Variants in DYNC2I1 observed in about 807,000 individuals in gnomAD.
DYNC2I1 encodes dynein 2 intermediate chain 1.
DYNC2I1 carries 89 observed loss-of-function variants against 133.4 expected under a neutral mutation model. The ratio of observed to expected loss-of-function variants is 0.67; its 90% CI spans 0.56 to 0.80. The LOEUF is 0.80. DYNC2I1 is among the 30% of genes least tolerant of loss of function. The probability of loss-of-function intolerance (pLI) is 0.00; values close to 1 mark genes in which losing one functional copy is unlikely to be tolerated. For synonymous variants in DYNC2I1, 504 were observed against 484.3 expected, an observed-to-expected ratio of 1.04 and a Z score of -0.54; for missense variants, 1,291 against 1,314.5, an observed-to-expected ratio of 0.98 and a Z score of 0.28.
chr7:158,911,696 T>A lies in DYNC2I1; in HGVS notation c.1590+17T>A. ...ACCAAGCAGGTAAGTATGAGATGTG[T>A]TAACTAAGTGATAAAATGCAAGTAA... is the stretch of plus-strand genomic sequence containing the variant. On this transcript the variant is annotated intron_variant, in intron 12 of 24. Transcript: ENST00000407559. 1 of 1,593,068 alleles carries A rather than the reference T, an allele frequency of 6.3e-7. No homozygotes were observed. Among genetic ancestry groups the A allele is most frequent in the Non-Finnish European group, 8.5e-7 (1 of 1,172,226 alleles).
At position 158,856,583 on chromosome 7, in the gene DYNC2I1, C is replaced by A. The variant is rs1194517734; in HGVS notation, c.-153C>A. ...GGGAGAGGCCGCAGGGCACGCTGGG[C>A]AGTGCTTCTGGGCCCTCTGCTGCTC... On this transcript the variant is annotated 5_prime_UTR_variant, in exon 1 of 25. Coordinates refer to ENST00000407559, the MANE Select transcript of DYNC2I1 (RefSeq NM_018051.5). 2.7e-6 allele frequency: 2 copies of A among 735,614 alleles called. No individual in the cohort carries two copies. Among genetic ancestry groups the A allele is most frequent in the African/African-American group, 3.7e-5 (2 of 54,594 alleles). 45.6% of individuals were successfully genotyped at this position (735,614 alleles called of 1,614,324 possible). A position where few individuals can be genotyped will look rare whatever the true frequency, so the allele number is the denominator to read the frequency against.
At chr7:158,903,313 T>G (rs759159437) in intron 10 of DYNC2I1, 2 of 148,038 alleles carry the variant, frequency 1.4e-5, no homozygotes, top group Non-Finnish European at 3.0e-5. Flanking sequence ...GAGTAGGAAT[T>G]AATGTTTCAA....
At chr7:158,884,519 CGA>C (rs758380162) in intron 5 of DYNC2I1, 43 bp from the exon 6 acceptor site, 2 of 1,570,476 alleles carry the variant, frequency 1.3e-6, no homozygotes, top group Admixed American at 3.7e-5. Context: ...TACTTCATTC[CGA>C]TATGCTAATA....
chr7:158,844,443 G>C, the DYNC2I1 span, among the ~76,000 whole-genome samples: 2 of 152,016 alleles, frequency 1.3e-5, no homozygotes, highest in African/African-American at 4.8e-5. Flanking sequence ...GGGGGAGAGC[G>C]CGTGGGAATT....
chr7:158,872,074 G>T (rs1039110746), intron 3 of DYNC2I1, among the ~76,000 whole-genome samples: 19 of 152,204 alleles, frequency 1.2e-4, no homozygotes, highest in African/African-American at 4.3e-4. Flanking sequence ...CCAGCACTTT[G>T]GGAGGCTGAG....
rs41271220 is a variant in DYNC2I1, at chr7:158,918,748, C to G, written c.1800C>G (p.Ala600=). 2 of 1,613,408 alleles carry G rather than the reference C, an allele frequency of 1.2e-6. No homozygotes were observed. The highest frequency in any genetic ancestry group is 1.7e-5 in the Admixed American group (1 of 59,984). Residue 600 remains alanine, a synonymous_variant, in exon 15 of 25, where the codon GCC becomes GCG. Transcript: ENST00000407559. ...SFLRAACQVM[A]VLLEEDRLAA... Reference sequence around the variant, plus strand: ...TCACTTATGTCTGACAGGTGATGGCCGTTTTGCTGGAAGAGGATCGCTTGG... The same window carrying G: ...TCACTTATGTCTGACAGGTGATGGCGGTTTTGCTGGAAGAGGATCGCTTGG...
At chr7:158,915,838 A>G (rs62476482) in intron 14 of DYNC2I1, among the ~76,000 whole-genome samples, 1,253 of 23,350 alleles carry the variant, frequency 0.054, 10 homozygotes, top group African/African-American at 0.14. Flanking sequence ...GTGAAACGTC[A>G]ACACGCTGGT....
chr7:158,926,459 T>C lies in DYNC2I1; in HGVS notation c.2429T>C (p.Val810Ala), dbSNP rs1005068864. The C allele has an allele frequency of 1.2e-6, 2 of 1,612,866 alleles. No individual in the cohort carries two copies. Among genetic ancestry groups the C allele is most frequent in the African/African-American group, 2.7e-5 (2 of 75,054 alleles). Residue 810 changes from valine (V) to alanine (A), a missense_variant, in exon 19 of 25, where the codon GTA (valine) becomes GCA (alanine). Val to Ala is a moderately conservative substitution (Grantham distance 64). Coordinates refer to ENST00000407559, the MANE Select transcript of DYNC2I1 (RefSeq NM_018051.5). Reference sequence around the variant, plus strand: ...TTGGATGAGAGTGGGGTTCTCAATGTATGGGTGAGTAGTGGCCCAGGCCGG... The same window carrying C: ...TTGGATGAGAGTGGGGTTCTCAATGCATGGGTGAGTAGTGGCCCAGGCCGG... ...ASLDESGVLNVWVVVELPKAD... is the reference protein window; with the variant it reads ...ASLDESGVLNAWVVVELPKAD...
intron 23 of DYNC2I1, among the ~76,000 whole-genome samples, chr7:158,938,520 G>A (rs889177070): frequency 4.6e-5 from 7 of 152,162 alleles, no homozygotes; most frequent in Non-Finnish European, 8.8e-5. Flanking sequence ...CACTTTGAAG[G>A]TTGAAGCGGG....
intron 1 of DYNC2I1, among the ~76,000 whole-genome samples, chr7:158,860,180 C>T (rs983816236): frequency 6.6e-6 from 1 of 151,924 alleles, no homozygotes; most frequent in African/African-American, 2.4e-5. Flanking sequence ...CTCAGCCTCG[C>T]AAGTAGCTGA....
intron 8 of DYNC2I1, among the ~76,000 whole-genome samples, chr7:158,893,190 T>C (rs1046007770): frequency 3.9e-5 from 6 of 152,178 alleles, no homozygotes; most frequent in African/African-American, 1.2e-4. Context: ...CAGGGCATCA[T>C]GCAGAGTGGT....
chr7:158,863,528 G>A (rs796573241), intron 1 of DYNC2I1, among the ~76,000 whole-genome samples: 17 of 151,728 alleles, frequency 1.1e-4, no homozygotes, highest in African/African-American at 3.4e-4. Context: ...AAAGCAGGCT[G>A]CTTACTTAGC....
At position 158,926,382 on chromosome 7, in the gene DYNC2I1, T is replaced by C. The variant is rs762542572; in HGVS notation, c.2372-20T>C. 22 of 1,608,774 alleles carry C rather than the reference T, an allele frequency of 1.4e-5. No individual in the cohort carries two copies. In the South Asian group the frequency reaches 2.4e-4, roughly 18 times the overall value. On this transcript the variant is annotated intron_variant, in intron 18 of 24. Coordinates refer to ENST00000407559, the MANE Select transcript of DYNC2I1 (RefSeq NM_018051.5). ...CCTTATTTAAAGCCATTTCTTTCTT[T>C]TTGTTTCTGTCTTCATCAGAAATGT...
Position 158,871,176 on chromosome 7 carries a change from A to G in DYNC2I1, c.104A>G (p.Lys35Arg), listed in dbSNP as rs774295782. The change falls in exon 3 of 25, where the codon AAG becomes AGG. Residue 35 changes from lysine to arginine, a missense_variant. Physicochemically the swap from Lys to Arg is conservative, Grantham distance 26. Transcript: ENST00000407559. ...TCAGGTGGTTCCAAGGAAGAAAGAA[A>G]GCACAGAGAGAAGAAGCTGCGTAAG... Reference protein sequence around the residue: ...IQSGGSKEERKHREKKLRKES... With the variant: ...IQSGGSKEERRHREKKLRKES... 1 of 1,613,460 alleles carries G rather than the reference A, an allele frequency of 6.2e-7. No individual in the cohort carries two copies. Among genetic ancestry groups the G allele is most frequent in the Admixed American group, 1.7e-5 (1 of 59,930 alleles).
intron 6 of DYNC2I1, among the ~76,000 whole-genome samples, chr7:158,885,886 AT>A (rs1333136733): frequency 6.6e-6 from 1 of 152,074 alleles, no homozygotes; most frequent in Non-Finnish European, 1.5e-5. Flanking sequence ...TGGTATATTG[AT>A]ATGAATGAAA....
Position 158,856,849 on chromosome 7 carries a change from G to A in DYNC2I1, c.15+99G>A, listed in dbSNP as rs911465786. 6 of 1,204,168 alleles carry A rather than the reference G, an allele frequency of 5.0e-6. No homozygotes were observed. In the African/African-American group the frequency reaches 9.4e-5, roughly 19 times the overall value. The allele number at this position is 1,204,168 out of a possible 1,614,324, so 74.6% of individuals were successfully genotyped here. A position where few individuals can be genotyped will look rare whatever the true frequency, so the allele number is the denominator to read the frequency against. ...GCCGCCGCCCTCCCTTTGCGCAGCG[G>A]TTCTCTCGGCCGGGCCGGGGCTTCC... is the stretch of plus-strand genomic sequence containing the variant. On this transcript the variant is annotated intron_variant, in intron 1 of 24. Transcript: ENST00000407559.
intron 24 of DYNC2I1, 65 bp downstream of exon 24, chr7:158,942,213 C>G (rs145788639): frequency 6.9e-6 from 9 of 1,307,738 alleles, no homozygotes; most frequent in African/African-American, 3.0e-5. Flanking sequence ...GTGCCACTTA[C>G]GGTCTTTCTT....
the DYNC2I1 span, among the ~76,000 whole-genome samples, chr7:158,850,875 C>T: frequency 6.6e-6 from 1 of 152,016 alleles, no homozygotes; most frequent in African/African-American, 2.4e-5. Flanking sequence ...AGTAGGGAAC[C>T]TCTTTTTCCC....
chr7:158,871,918 A>C lies in DYNC2I1; in HGVS notation c.490+356A>C, dbSNP rs543377171. ...ATTTGTTATTTTTGTTTTCTCTCAT[A>C]GTTTTCACAAATGTTTTATCTTTGA... On this transcript the variant is annotated intron_variant, in intron 3 of 24. Transcript: ENST00000407559. Among the ~76,000 whole-genome samples the C allele has an allele frequency of 2.0e-5, 3 of 152,202 alleles. No homozygotes were observed. In the East Asian group the frequency reaches 5.8e-4, roughly 29 times the overall value.
Sources: allele counts gnomAD v4.1 joint callset (sites outside exome capture counted in the v4.1 genomes callset), GRCh38; gene constraint gnomAD v4.1.1; transcripts MANE v1.5; gene names NCBI Gene and HGNC (gene_info 2026-07-23, HGNC 2026-07-21).